The following RNF220 variants were observed in gnomAD, a reference collection of about 807,000 sequenced individuals.
RNF220 encodes the protein ring finger protein 220.
In RNF220, 7 loss-of-function variants were observed where a neutral mutation model predicts 67.1. The ratio of observed to expected loss-of-function variants is 0.10; its 90% CI spans 0.06 to 0.20. RNF220 has a LOEUF of 0.20. Among genes scored for constraint, RNF220 ranks in the 10% least tolerant of loss-of-function variants. RNF220 has a pLI of 1.00. For missense variants in RNF220, 565 were observed against 740.3 expected (o/e 0.76, Z 2.75); for synonymous variants, 270 against 283.2 (o/e 0.95, Z 0.47).
chr1:44,412,774 C>G lies in RNF220; in HGVS notation c.625+52C>G. ...TTACCCCCAGTAAGCCCTGCCTCAC[C>G]GTGATGTTCAACAGGTCGGTGGCGT... is the stretch of plus-strand genomic sequence containing the variant. On this transcript the variant is annotated intron_variant, in intron 2 of 14. Coordinates refer to ENST00000361799, the MANE Select transcript of RNF220 (RefSeq NM_018150.4). The surrounding 1 kb of genome is among the most constrained non-coding windows in gnomAD (Gnocchi z 5.3). 1 of 1,566,424 alleles carries G rather than the reference C, an allele frequency of 6.4e-7. No individual in the cohort carries two copies. The highest frequency in any genetic ancestry group is 8.7e-7 in the Non-Finnish European group (1 of 1,155,342).
chr1:44,500,625 C>T (rs1011940058), intron 2 of RNF220, among the ~76,000 whole-genome samples: 12 of 152,304 alleles, frequency 7.9e-5, no homozygotes, highest in African/African-American at 2.9e-4. Flanking sequence ...TTAATGGAAG[C>T]GTGTTTAGAC....
At chr1:44,420,508 T>G (rs1402954783) in intron 2 of RNF220, among the ~76,000 whole-genome samples, 1 of 152,210 alleles carries the variant, frequency 6.6e-6, no homozygotes, top group African/African-American at 2.4e-5. Context: ...TCATTTGACC[T>G]TGCTTCTGGG....
At chr1:44,569,073 A>G (rs1664245383) in intron 2 of RNF220, among the ~76,000 whole-genome samples, 8 of 152,154 alleles carry the variant, frequency 5.3e-5, no homozygotes, top group Admixed American at 5.2e-4. Context: ...GTTTTTGGAA[A>G]ACTGATGAAG....
intron 2 of RNF220, among the ~76,000 whole-genome samples, chr1:44,599,045 T>C (rs115310739): frequency 0.012 from 1,839 of 152,130 alleles, 37 homozygotes; most frequent in African/African-American, 0.042. Context: ...CAGTTACTAA[T>C]ACCCACCCTA....
At chr1:44,418,356 C>T (rs1648819903) in intron 2 of RNF220, among the ~76,000 whole-genome samples, 1 of 152,218 alleles carries the variant, frequency 6.6e-6, no homozygotes, top group East Asian at 1.9e-4. Context: ...GCCCCCAGGA[C>T]TCTGAGGCTT....
At chr1:44,511,902 G>C (rs1007345659) in intron 2 of RNF220, among the ~76,000 whole-genome samples, 1 of 109,956 alleles carries the variant, frequency 9.1e-6, no homozygotes, top group Non-Finnish European at 1.9e-5. Flanking sequence ...GTAAAATTGA[G>C]AAGCGTGTGT....
chr1:44,506,257 G>GTT (rs540190057), intron 2 of RNF220, among the ~76,000 whole-genome samples: 1 of 152,230 alleles, frequency 6.6e-6, no homozygotes, highest in Non-Finnish European at 1.5e-5. Context: ...GGGTGGCAGG[G>GTT]TTGCTGGTGG....
At chr1:44,550,562 G>A (rs988416195) in intron 2 of RNF220, among the ~76,000 whole-genome samples, 5 of 152,154 alleles carry the variant, frequency 3.3e-5, no homozygotes, top group African/African-American at 1.2e-4. Context: ...AATCAGGAGA[G>A]CAAGATACCT....
chr1:44,569,718 G>A (rs115041149), intron 2 of RNF220, among the ~76,000 whole-genome samples: 5,485 of 152,258 alleles, frequency 0.036, 237 homozygotes, highest in African/African-American at 0.1. Flanking sequence ...AGGGTCTGGT[G>A]GGAAGGGGTG....
intron 2 of RNF220, among the ~76,000 whole-genome samples, chr1:44,515,899 T>C (rs1449582034): frequency 6.6e-6 from 1 of 152,184 alleles, no homozygotes; most frequent in East Asian, 1.9e-4. Flanking sequence ...TAAAATACAG[T>C]CCTTTCACCC....
intron 2 of RNF220, among the ~76,000 whole-genome samples, chr1:44,469,879 G>C (rs1340616448): frequency 6.6e-6 from 1 of 152,196 alleles, no homozygotes; most frequent in African/African-American, 2.4e-5. Flanking sequence ...ACTGAAAATA[G>C]TATGAAAGTA....
intron 2 of RNF220, among the ~76,000 whole-genome samples, chr1:44,424,585 A>C (rs141928716): frequency 0.011 from 1,680 of 152,254 alleles, 18 homozygotes; most frequent in Middle Eastern, 0.02. Context: ...CCCACTGAGG[A>C]GTCTGGGCAG....
In RNF220 at chr1:44,649,501, G is replaced by A. The variant is rs915130667; in HGVS notation, c.1446-160G>A. 1.5e-6 allele frequency: 1 copy of A among 659,298 alleles called. No individual in the cohort carries two copies. The highest frequency in any genetic ancestry group is 2.7e-6 in the Non-Finnish European group (1 of 372,786). The allele number at this position is 659,298 out of a possible 1,614,324, so 40.8% of individuals were successfully genotyped here. On this transcript the variant is annotated intron_variant, in intron 12 of 14. Coordinates refer to ENST00000361799, the MANE Select transcript of RNF220 (RefSeq NM_018150.4). This position sits in a 1 kb window ranked among gnomAD's most constrained non-coding sequence, Gnocchi z 5.9. ...AGAGAGGGTGAGGAGTTTAGTTCTG[G>A]AATGTGGAATTTGCAGATTCAGGTT... is the stretch of plus-strand genomic sequence containing the variant.
intron 8 of RNF220, chr1:44,636,420 G>C (rs1180938754): frequency 1.4e-6 from 1 of 719,618 alleles, no homozygotes; most frequent in Middle Eastern, 2.3e-4. Flanking sequence ...TCAGCTTCGG[G>C]TGATGCATTG....
intron 2 of RNF220, among the ~76,000 whole-genome samples, chr1:44,446,534 G>A (rs1379014286): frequency 6.6e-6 from 1 of 151,976 alleles, no homozygotes; most frequent in Non-Finnish European, 1.5e-5. Flanking sequence ...CTCAAAAAGA[G>A]GGACCGGGCC....
At chr1:44,545,778 T>TG in intron 2 of RNF220, among the ~76,000 whole-genome samples, 1 of 148,760 alleles carries the variant, frequency 6.7e-6, no homozygotes. Context: ...TTTTTTGAGA[T>TG]GGAGTCTCAC....
rs1319326660 is a variant in RNF220 at position 44,519,727 on chromosome 1, T to A, written c.626-94438T>A. Among the ~76,000 whole-genome samples the A allele has an allele frequency of 4.6e-5, 7 of 152,086 alleles. No homozygotes were observed. In the South Asian group the frequency reaches 1.5e-3, roughly 32 times the overall value. Reference sequence around the variant, plus strand: ...CCATCTCTCCATGTAGAGAGAAGAATAGATTGCACGGAAAGTCAAGTGCAG... The same window carrying A: ...CCATCTCTCCATGTAGAGAGAAGAAAAGATTGCACGGAAAGTCAAGTGCAG... On this transcript the variant is annotated intron_variant, in intron 2 of 14. Coordinates refer to ENST00000361799, the MANE Select transcript of RNF220 (RefSeq NM_018150.4).
intron 2 of RNF220, among the ~76,000 whole-genome samples, chr1:44,528,415 C>T (rs928081625): frequency 2.6e-5 from 4 of 152,022 alleles, no homozygotes; most frequent in African/African-American, 9.7e-5. Context: ...ATTCTCCTGC[C>T]TCAGCCTCCC....
At chr1:44,648,400 TATC>T (rs1478767120) in intron 12 of RNF220, 12 of 152,230 alleles carry the variant, frequency 7.9e-5, no homozygotes, top group Admixed American at 3.3e-4. Flanking sequence ...TTATTTGTAT[TATC>T]ATTATTATTC....
Sources: gnomAD v4.1 joint callset for allele counts (sites outside exome capture counted in the v4.1 genomes callset) on GRCh38, gnomAD v4.1.1 for gene constraint, Gnocchi (gnomAD v3.1) non-coding constraint, MANE v1.5 for transcripts, NCBI Gene and HGNC (gene_info 2026-07-23, HGNC 2026-07-21) for gene names.